KIF18A: variants seen among roughly 807,000 people sequenced by gnomAD.
The protein encoded by KIF18A is kinesin-like protein KIF18A.
Under a neutral mutation model 103.3 loss-of-function variants are expected in KIF18A, and 67 were observed. That is an observed-to-expected ratio of 0.65 (90% confidence interval 0.53 to 0.79). The LOEUF is 0.79. Ranked by LOEUF, KIF18A falls within the 30% of genes least tolerant of loss-of-function variation. The probability of loss-of-function intolerance (pLI) is 0.00; values close to 1 mark genes in which losing one functional copy is unlikely to be tolerated. For missense variants in KIF18A, 1,032 were observed against 1,062.5 expected (o/e 0.97, Z 0.40); for synonymous variants, 367 against 355.5 (o/e 1.03, Z -0.36).
At chr11:28,094,913 A>G (rs1288981687) in intron 2 of KIF18A, 113 bp from the exon 3 acceptor site, 15 of 993,028 alleles carry the variant, frequency 1.5e-5, no homozygotes, top group Non-Finnish European at 2.3e-5. Context: ...TTTAAACCCT[A>G]CAAATCCAAA....
intron 11 of KIF18A, among the ~76,000 whole-genome samples, chr11:28,064,368 G>T (rs1269519285): frequency 6.6e-6 from 1 of 151,878 alleles, no homozygotes; most frequent in African/African-American, 2.4e-5. Flanking sequence ...TGGATCAGAT[G>T]ATCTCTTCAG....
At chr11:28,097,566 T>C (rs1463109338) in intron 2 of KIF18A, 57 bp downstream of exon 2, 4 of 1,109,696 alleles carry the variant, frequency 3.6e-6, no homozygotes, top group Middle Eastern at 2.0e-4. Flanking sequence ...TAGATGTCCG[T>C]CCTAATGCAA....
intron 1 of KIF18A, among the ~76,000 whole-genome samples, chr11:28,102,483 C>T (rs181688317): frequency 7.3e-4 from 111 of 152,272 alleles, no homozygotes; most frequent in Admixed American, 1.0e-3. Flanking sequence ...TGTACACTGA[C>T]CACTTTGGGC....
At chr11:28,100,490 AAGG>A (rs926981634) in intron 1 of KIF18A, among the ~76,000 whole-genome samples, 23 of 150,410 alleles carry the variant, frequency 1.5e-4, no homozygotes, top group African/African-American at 3.9e-4. Flanking sequence ...AAAAACCCGA[AAGG>A]AGAAGATCCA....
rs1247650407 is a variant in KIF18A, at chr11:28,091,474, C to T, written c.523G>A (p.Gly175Arg). 1.2e-6 allele frequency: 2 copies of T among 1,610,668 alleles called. No individual in the cohort carries two copies. Among genetic ancestry groups the T allele is most frequent in the Non-Finnish European group, 1.7e-6 (2 of 1,177,452 alleles). ...GTATCTTCCCGGACAGCAAGTGGCC[C>T]TGAATTTACTAAGAGATCACGAATC... ...EQIRDLLVNS[G>R]PLAVREDTQK... Residue 175 changes from glycine (G) to arginine (R), a missense_variant, in exon 4 of 17, where the codon GGG (glycine) becomes AGG (arginine). By Grantham distance (125) the Gly-to-Arg change is moderately radical (BLOSUM62 -2). Coordinates refer to ENST00000263181, the MANE Select transcript of KIF18A (RefSeq NM_031217.4).
intron 3 of KIF18A, 31 bp from the exon 4 acceptor site, chr11:28,091,544 ATGT>A (rs1445245850): frequency 2.5e-6 from 3 of 1,184,170 alleles, no homozygotes; most frequent in Admixed American, 2.0e-5. Context: ...TTTAGCATTG[ATGT>A]AAAAAAAAAA....
At chr11:28,081,841 G>T (rs1310992660) in intron 9 of KIF18A, among the ~76,000 whole-genome samples, 3 of 152,096 alleles carry the variant, frequency 2.0e-5, no homozygotes, top group Non-Finnish European at 2.9e-5. Flanking sequence ...AAAAGAATTT[G>T]CCATTGTAGA....
chr11:28,088,472 TTATC>T (rs1427437539), intron 6 of KIF18A, 48 bp downstream of exon 6: 1 of 1,396,236 alleles, frequency 7.2e-7, no homozygotes, highest in Non-Finnish European at 1.0e-6. Flanking sequence ...AGTATCTTTC[TTATC>T]TATTTCAATA....
intron 1 of KIF18A, among the ~76,000 whole-genome samples, chr11:28,103,773 T>C (rs751744224): frequency 7.9e-5 from 12 of 151,972 alleles, no homozygotes; most frequent in Admixed American, 6.6e-5. Flanking sequence ...AAACAACATA[T>C]TAGAGTACAA....
At chr11:28,052,444 A>C (rs1850723140) in intron 13 of KIF18A, among the ~76,000 whole-genome samples, 1 of 151,046 alleles carries the variant, frequency 6.6e-6, no homozygotes, top group South Asian at 2.1e-4. Context: ...GCCTTTGAAT[A>C]TGTCAGGCAA....
At chr11:28,084,419 G>T (rs1384965726) in intron 7 of KIF18A, 4 of 58,794 alleles carry the variant, frequency 6.8e-5, no homozygotes, top group Admixed American at 4.0e-4. Context: ...TCGAATAATA[G>T]TATCTATTAT....
intron 12 of KIF18A, 87 bp downstream of exon 12, chr11:28,062,308 A>G: frequency 8.1e-7 from 1 of 1,236,222 alleles, no homozygotes; most frequent in Non-Finnish European, 1.1e-6. Context: ...TAACACATAA[A>G]ACTCAACTTT....
chr11:28,095,470 A>G (rs1268489646), intron 2 of KIF18A, among the ~76,000 whole-genome samples: 1 of 152,216 alleles, frequency 6.6e-6, no homozygotes, highest in Non-Finnish European at 1.5e-5. Context: ...TATATGCTGC[A>G]TATCCACATC....
chr11:28,024,173 C>A (rs1465954244), intron 15 of KIF18A, among the ~76,000 whole-genome samples: 4 of 130,426 alleles, frequency 3.1e-5, no homozygotes, highest in Non-Finnish European at 4.7e-5. Context: ...AGATCAGTAG[C>A]ACATAGTCAC....
intron 11 of KIF18A, among the ~76,000 whole-genome samples, chr11:28,065,124 T>C (rs1172337349): frequency 1.3e-5 from 2 of 151,914 alleles, no homozygotes; most frequent in South Asian, 2.1e-4. Context: ...TAAAGAGAAG[T>C]GGATAGATTC....
intron 13 of KIF18A, among the ~76,000 whole-genome samples, chr11:28,050,328 T>G (rs1850695355): frequency 6.6e-6 from 1 of 151,864 alleles, no homozygotes. Flanking sequence ...GATACAAGCA[T>G]GATTTCCATT....
intron 1 of KIF18A, among the ~76,000 whole-genome samples, chr11:28,104,939 A>G (rs1351130757): frequency 2.0e-5 from 3 of 152,170 alleles, no homozygotes; most frequent in Non-Finnish European, 4.4e-5. Flanking sequence ...TGAAGGTCTG[A>G]GTGAGAGACA....
intron 1 of KIF18A, among the ~76,000 whole-genome samples, chr11:28,099,505 T>C (rs994179330): frequency 5.3e-5 from 8 of 152,194 alleles, no homozygotes; most frequent in African/African-American, 1.9e-4. Flanking sequence ...GATATGTTAA[T>C]TAATTAGCCT....
chr11:28,075,218 T>C (rs1258640683), intron 10 of KIF18A, among the ~76,000 whole-genome samples: 2 of 152,138 alleles, frequency 1.3e-5, no homozygotes, highest in African/African-American at 2.4e-5. Flanking sequence ...TTATCCTGCA[T>C]TTGGTGTAAT....
Sources: gnomAD v4.1 joint callset for allele counts (sites outside exome capture counted in the v4.1 genomes callset) on GRCh38, gnomAD v4.1.1 for gene constraint, MANE v1.5 for transcripts, NCBI Gene and HGNC (gene_info 2026-07-23, HGNC 2026-07-21) for gene names.